Variants in NRXN3 observed in about 807,000 individuals in gnomAD.
The protein encoded by NRXN3 is neurexin III.
A neutral mutation model predicts 137.6 loss-of-function variants in NRXN3; 32 were observed. That is an observed-to-expected ratio of 0.23 (90% CI 0.18 to 0.31). The LOEUF (loss-of-function observed/expected upper bound fraction) is 0.31, where lower values mean the gene tolerates loss of function less well. Among genes scored for constraint, NRXN3 ranks in the 10% least tolerant of loss-of-function variants. The pLI, the probability that NRXN3 is intolerant of heterozygous loss-of-function variation, is 1.00. For synonymous variants in NRXN3, 798 were observed against 784.5 expected (o/e 1.02, Z -0.29); for missense variants, 1,574 against 2,062.5 (o/e 0.76, Z 4.59).
At chr14:78,259,140 A>G (rs1323948731) in intron 2 of NRXN3, among the ~76,000 whole-genome samples, 2 of 151,924 alleles carry the variant, frequency 1.3e-5, no homozygotes, top group African/African-American at 4.8e-5. Flanking sequence ...TCAAAAAAAA[A>G]AAAAAAGAAA....
intron 19 of NRXN3, among the ~76,000 whole-genome samples, chr14:79,795,922 GGAAAATAA>G (rs1472085496): frequency 3.3e-5 from 5 of 151,940 alleles, no homozygotes. Context: ...GCATGAGGGA[GGAAAATAA>G]GAAGAAAGAA....
At chr14:78,234,994 TTATATATA>T (rs57469863) in intron 1 of NRXN3, among the ~76,000 whole-genome samples, 6,102 of 108,782 alleles carry the variant, frequency 0.056, 473 homozygotes, top group African/African-American at 0.14. Context: ...ACAAATGCTT[TTATATATA>T]TATATATATA....
At chr14:78,623,798 C>T (rs2097428575) in intron 4 of NRXN3, among the ~76,000 whole-genome samples, 1 of 152,174 alleles carries the variant, frequency 6.6e-6, no homozygotes, top group Non-Finnish European at 1.5e-5. Context: ...AAACTCCTGA[C>T]CTCAGGTGAT....
intron 4 of NRXN3, among the ~76,000 whole-genome samples, chr14:78,638,850 C>T (rs745883759): frequency 2.0e-5 from 3 of 152,220 alleles, no homozygotes; most frequent in Non-Finnish European, 4.4e-5. Flanking sequence ...TGCAGCCCCT[C>T]CATCCCCCAG....
intron 4 of NRXN3, among the ~76,000 whole-genome samples, chr14:78,488,642 G>C (rs967841740): frequency 1.3e-5 from 2 of 151,828 alleles, no homozygotes; most frequent in African/African-American, 4.8e-5. Context: ...CAAGTGTTGA[G>C]GGAAATTTTT....
intron 4 of NRXN3, among the ~76,000 whole-genome samples, chr14:78,631,066 T>G (rs2097517725): frequency 6.6e-6 from 1 of 152,226 alleles, no homozygotes; most frequent in Non-Finnish European, 1.5e-5. Context: ...AGTCTCATGT[T>G]CATTATAGTT....
intron 2 of NRXN3, among the ~76,000 whole-genome samples, chr14:78,250,946 CAGAGAG>C (rs142667374): frequency 4.1e-5 from 6 of 147,576 alleles, no homozygotes; most frequent in South Asian, 2.2e-4. Context: ...TCCTTCTAGC[CAGAGAG>C]AGAGAGAGAG....
intron 4 of NRXN3, among the ~76,000 whole-genome samples, chr14:78,440,316 C>T (rs937235636): frequency 6.6e-6 from 1 of 152,166 alleles, no homozygotes; most frequent in African/African-American, 2.4e-5. Context: ...AGTCCCAGCA[C>T]AATCCTGCCC....
At chr14:79,453,066 C>A (rs2096202814) in intron 15 of NRXN3, among the ~76,000 whole-genome samples, 1 of 152,064 alleles carries the variant, frequency 6.6e-6, no homozygotes, top group Non-Finnish European at 1.5e-5. Context: ...TGGCTGTAGA[C>A]TATCTTTGTT....
At chr14:79,705,678 C>A (rs1254723957) in intron 19 of NRXN3, among the ~76,000 whole-genome samples, 1 of 152,084 alleles carries the variant, frequency 6.6e-6, no homozygotes, top group Non-Finnish European at 1.5e-5. Flanking sequence ...GCAGCCCTTC[C>A]CTGCTATTCA....
chr14:78,524,761 A>C (rs2096351488), intron 4 of NRXN3, among the ~76,000 whole-genome samples: 1 of 152,060 alleles, frequency 6.6e-6, no homozygotes, highest in Non-Finnish European at 1.5e-5. Flanking sequence ...TTTTTCTATT[A>C]AGCTCCCTTT....
Position 79,360,591 on chromosome 14 carries a change from G to A in NRXN3, c.3263-106630G>A, listed in dbSNP as rs924845894. Among the ~76,000 whole-genome samples the A allele has an allele frequency of 5.3e-5, 8 of 152,196 alleles. 1 individual carries two copies. The highest frequency in any genetic ancestry group is 4.1e-4 in the South Asian group (2 of 4,832). On this transcript the variant is annotated intron_variant, in intron 15 of 20. Transcript: ENST00000335750. ...AAAGATGAATGCTCAGTAATAGCTC[G>A]TGCCTTAAGACGTGGCCGAGCAAGC...
chr14:79,229,186 C>T (rs1244857356), intron 15 of NRXN3, among the ~76,000 whole-genome samples: 1 of 152,124 alleles, frequency 6.6e-6, no homozygotes, highest in Non-Finnish European at 1.5e-5. Context: ...TTCTCCTTTT[C>T]ATTAAGAGGT....
rs562612243 is a variant in NRXN3 at position 78,396,915 on chromosome 14, T to G, written c.757+99055T>G. ...ATCAGGGTGCCGGGTGGTCAAATTC[T>G]GGTTGGGGCTCTCTTTCTGGCTTAC... On this transcript the variant is annotated intron_variant, in intron 4 of 20. Coordinates refer to ENST00000335750, the MANE Select transcript of NRXN3 (RefSeq NM_001330195.2). Among the ~76,000 whole-genome samples, 5 of 152,330 alleles carry G rather than the reference T, an allele frequency of 3.3e-5. No individual in the cohort carries two copies. In the East Asian group the frequency reaches 9.6e-4, roughly 29 times the overall value.
chr14:78,245,477 C>T (rs1421536857), intron 2 of NRXN3, among the ~76,000 whole-genome samples: 2 of 152,074 alleles, frequency 1.3e-5, no homozygotes, highest in Non-Finnish European at 2.9e-5. Flanking sequence ...GCCTTGCCAC[C>T]GATTCCCAAG....
intron 15 of NRXN3, among the ~76,000 whole-genome samples, chr14:79,241,721 T>C (rs1051776294): frequency 2.0e-5 from 3 of 152,148 alleles, no homozygotes; most frequent in East Asian, 1.9e-4. Flanking sequence ...GTAATATTAC[T>C]TGAGGATTTA....
At chr14:79,557,047 C>T (rs1346656948) in intron 16 of NRXN3, among the ~76,000 whole-genome samples, 1 of 151,718 alleles carries the variant, frequency 6.6e-6, no homozygotes, top group African/African-American at 2.4e-5. Flanking sequence ...GCAGGGTTGA[C>T]ATTGAGTTGG....
intron 16 of NRXN3, among the ~76,000 whole-genome samples, chr14:79,557,430 C>T (rs2097441592): frequency 6.6e-6 from 1 of 152,076 alleles, no homozygotes; most frequent in Admixed American, 6.6e-5. Context: ...AAAATGCTAC[C>T]TTTCAAGTCA....
chr14:78,591,878 G>A (rs1403646072), intron 4 of NRXN3, among the ~76,000 whole-genome samples: 3 of 152,128 alleles, frequency 2.0e-5, no homozygotes, highest in Admixed American at 2.0e-4. Flanking sequence ...CTCTTCCCCT[G>A]TGGAATGTTT....
Sources: allele counts gnomAD v4.1 joint callset (sites outside exome capture counted in the v4.1 genomes callset), GRCh38; gene constraint gnomAD v4.1.1; transcripts MANE v1.5; gene names NCBI Gene and HGNC (gene_info 2026-07-23, HGNC 2026-07-21).